Variants in CUBN observed in about 807,000 individuals in gnomAD.
CUBN encodes 460 kDa receptor.
A neutral mutation model predicts 405.3 loss-of-function variants in CUBN; 282 were observed. The ratio of observed to expected loss-of-function variants is 0.70; its 90% confidence interval spans 0.63 to 0.77. CUBN has a LOEUF of 0.77. CUBN is among the 30% of genes least tolerant of loss of function. The pLI, the probability that CUBN is intolerant of heterozygous loss-of-function variation, is 0.00. For missense variants in CUBN, 4,514 were observed against 4,475.2 expected (o/e 1.01, Z -0.25); for synonymous variants, 1,684 against 1,617.0 (o/e 1.04, Z -0.99).
At position 16,915,906 on chromosome 10, in the gene CUBN, G is replaced by A. The variant is rs761147556; in HGVS notation, c.7125C>T (p.Leu2375=). The change falls in exon 46 of 67, where the codon CTC becomes CTT. Residue 2375 remains leucine, a synonymous_variant. Coordinates refer to ENST00000377833, the MANE Select transcript of CUBN (RefSeq NM_001081.4). The stretch of plus-strand genomic sequence containing the variant: ...GGTTAAAGTCTTCAAAAGAGATGGT[G>A]AGATAGTGTCCAGAGAGCCCCTGGA... ...WHLQGLSGHY[L]TISFEDFNLQ... 1.2e-6 allele frequency: 2 copies of A among 1,614,194 alleles called. No individual in the cohort carries two copies. Among genetic ancestry groups the A allele is most frequent in the Non-Finnish European group, 8.5e-7 (1 of 1,180,020 alleles).
Position 16,851,342 on chromosome 10 carries a change from C to T in CUBN, c.9556G>A (p.Val3186Ile). Residue 3186 changes from valine to isoleucine, a missense_variant, in exon 60 of 67, where the codon GTA becomes ATA. Coordinates refer to ENST00000377833, the MANE Select transcript of CUBN (RefSeq NM_001081.4). ...NGMYDKNLNCVWIIIAPVNKV... is the reference protein window; with the variant it reads ...NGMYDKNLNCIWIIIAPVNKV... ...TTTACAGGTGCAATTATGATCCATA[C>T]ACAGTTTAAATTCTTGTCATACATT... is the stretch of plus-strand genomic sequence containing the variant. The T allele has an allele frequency of 1.9e-6, 3 of 1,614,090 alleles. No homozygotes were observed. The highest frequency in any genetic ancestry group is 2.5e-6 in the Non-Finnish European group (3 of 1,179,996).
chr10:16,834,258 A>T (rs1839099555), intron 64 of CUBN, among the ~76,000 whole-genome samples: 1 of 152,070 alleles, frequency 6.6e-6, no homozygotes. Context: ...CATATGCCCA[A>T]TGCAGCGATG....
chr10:16,928,946 C>T (rs1369860540), intron 40 of CUBN, among the ~76,000 whole-genome samples: 1 of 151,234 alleles, frequency 6.6e-6, no homozygotes, highest in Non-Finnish European at 1.5e-5. Context: ...ATATGTCTGT[C>T]GATTAGAGAC....
chr10:17,121,437 A>G (rs1258143179), intron 6 of CUBN, among the ~76,000 whole-genome samples: 1 of 151,668 alleles, frequency 6.6e-6, no homozygotes, highest in Non-Finnish European at 1.5e-5. Context: ...TCAGCAAACT[A>G]TCACAAGGAC....
At position 16,933,097 on chromosome 10, in the gene CUBN, C is replaced by A. The variant is rs747180240; in HGVS notation, c.6114G>T (p.Val2038=). The change falls in exon 40 of 67, where the codon GTG becomes GTT. Residue 2038 remains valine, a synonymous_variant. Coordinates refer to ENST00000377833, the MANE Select transcript of CUBN (RefSeq NM_001081.4). ...SHRTCAYDSL[V]IRDGDNNLAQ... ...TTATAATGTTCTCACCATCTCGTAT[C>A]ACAAGGCTATCATAGGCACACGTTC... is the stretch of plus-strand genomic sequence containing the variant. The A allele has an allele frequency of 5.0e-6, 8 of 1,613,814 alleles. No individual in the cohort carries two copies. The highest frequency in any genetic ancestry group is 6.8e-6 in the Non-Finnish European group (8 of 1,179,916).
At chr10:16,984,322 A>T in intron 29 of CUBN, 43 bp from the exon 30 acceptor site, 1 of 1,577,004 alleles carries the variant, frequency 6.3e-7, no homozygotes, top group East Asian at 2.2e-5. Flanking sequence ...AAATATTTTA[A>T]GCAATTACAG....
chr10:16,946,615 C>T (rs977319913), intron 36 of CUBN, among the ~76,000 whole-genome samples: 1 of 151,692 alleles, frequency 6.6e-6, no homozygotes, highest in Non-Finnish European at 1.5e-5. Flanking sequence ...CCTGCCTCAG[C>T]CTCCCAAGCA....
intron 23 of CUBN, 78 bp from the exon 24 acceptor site, chr10:17,046,172 T>C: frequency 2.2e-6 from 3 of 1,370,288 alleles, no homozygotes; most frequent in South Asian, 1.2e-5. Flanking sequence ...ATTTGAACTT[T>C]GGGATTGCAA....
chr10:16,928,199 A>C lies in CUBN; in HGVS notation c.6229T>G (p.Ser2077Ala). ...EYMFIRFTSD[S>A]SVTRAGFNAS... ...TTGAAGCCTGCCCTGGTTACACTGGAGTCCGAGGTGAAGCGGATGAACATG... is the reference window on the plus strand; with the variant it reads ...TTGAAGCCTGCCCTGGTTACACTGGCGTCCGAGGTGAAGCGGATGAACATG... The change falls in exon 41 of 67, where the codon TCC (serine) becomes GCC (alanine). Residue 2077 changes from serine (S) to alanine (A), a missense_variant. Around this residue, in one of 5 missense-constraint regions of CUBN, gnomAD observed 1,613 missense variants for 1,542.8 expected, o/e 1.05. Coordinates refer to ENST00000377833, the MANE Select transcript of CUBN (RefSeq NM_001081.4). The C allele has an allele frequency of 6.2e-7, 1 of 1,614,038 alleles. No individual in the cohort carries two copies. The highest frequency in any genetic ancestry group is 8.5e-7 in the Non-Finnish European group (1 of 1,179,898).
chr10:16,951,926 T>A (rs1842931675), intron 33 of CUBN, among the ~76,000 whole-genome samples: 1 of 152,186 alleles, frequency 6.6e-6, no homozygotes, highest in South Asian at 2.1e-4. Context: ...AAAAACTATT[T>A]ATCGATTATT....
chr10:17,058,782 G>C (rs973209488), intron 22 of CUBN, among the ~76,000 whole-genome samples: 4 of 152,010 alleles, frequency 2.6e-5, no homozygotes, highest in African/African-American at 9.7e-5. Context: ...TTCCTCTTGT[G>C]ATTTTCAACA....
At chr10:16,841,079 T>C (rs1839334677) in intron 60 of CUBN, 32 bp from the exon 61 acceptor site, 4 of 1,608,736 alleles carry the variant, frequency 2.5e-6, no homozygotes, top group Non-Finnish European at 3.4e-6. Flanking sequence ...TACTTCTCCA[T>C]TACTTACAAA....
intron 31 of CUBN, among the ~76,000 whole-genome samples, chr10:16,979,834 T>G (rs1446454720): frequency 1.3e-5 from 2 of 152,006 alleles, no homozygotes; most frequent in African/African-American, 4.8e-5. Flanking sequence ...AAGCCAAAAT[T>G]AACAAATGGG....
Position 16,938,949 on chromosome 10 carries a change from A to G in CUBN, c.5733+14T>C. On this transcript the variant is annotated intron_variant, in intron 38 of 66. Coordinates refer to ENST00000377833, the MANE Select transcript of CUBN (RefSeq NM_001081.4). ...ACCAATATTTATGAACATTGATTGC[A>G]TGTGGAAACTCACCCTTAATTTGTC... is the stretch of plus-strand genomic sequence containing the variant. 6.2e-7 allele frequency: 1 copy of G among 1,601,216 alleles called. No individual in the cohort carries two copies. The highest frequency in any genetic ancestry group is 8.6e-7 in the Non-Finnish European group (1 of 1,169,374).
Position 17,043,938 on chromosome 10 carries a change from A to C in CUBN, c.3718T>G (p.Cys1240Gly). Residue 1240 changes from cysteine to glycine, a missense_variant, in exon 26 of 67, where the codon TGT (cysteine) becomes GGT (glycine). Cys to Gly is a radical substitution (Grantham distance 159, BLOSUM62 -3). Around this residue, in one of 5 missense-constraint regions of CUBN, gnomAD observed 242 missense variants for 309.0 expected, o/e 0.78. Transcript: ENST00000377833. ...ATAAGAGGGGGTTTCTCATCCCCAC[A>C]AAGCTGAGTTAGCAGATGAGAGTTG... is the stretch of plus-strand genomic sequence containing the variant. ...SSNSHLLTQL[C>G]GDEKPPLIRS... 6.2e-7 allele frequency: 1 copy of C among 1,613,684 alleles called. No individual in the cohort carries two copies. Among genetic ancestry groups the C allele is most frequent in the Non-Finnish European group, 8.5e-7 (1 of 1,179,734 alleles).
intron 7 of CUBN, 59 bp downstream of exon 7, chr10:17,115,412 G>A: frequency 6.2e-7 from 1 of 1,608,178 alleles, no homozygotes; most frequent in South Asian, 1.1e-5. Flanking sequence ...GGCATAGGAG[G>A]AGGAGGAGCT....
chr10:16,955,278 C>A (rs1293340480), intron 31 of CUBN, among the ~76,000 whole-genome samples: 1 of 144,004 alleles, frequency 6.9e-6, no homozygotes, highest in Non-Finnish European at 1.5e-5. Flanking sequence ...GAGGCTGAGG[C>A]AGGAGAATTG....
Position 16,938,671 on chromosome 10 carries a change from G to A in CUBN, c.5733+292C>T, listed in dbSNP as rs61841448. On this transcript the variant is annotated intron_variant, in intron 38 of 66. Transcript: ENST00000377833. ...AACATAAAAACAAAGAGGATAGTAG[G>A]AAATAAGACAGAATAAATACTTATT... Among the ~76,000 whole-genome samples the A allele has an allele frequency of 0.057, 8,598 of 152,062 alleles. 346 individuals carry two copies. Among genetic ancestry groups the A allele is most frequent in the Non-Finnish European group, 0.087 (5,924 of 67,944 alleles).
chr10:16,891,220 G>T (rs1433693933), intron 54 of CUBN, among the ~76,000 whole-genome samples: 3 of 152,120 alleles, frequency 2.0e-5, no homozygotes, highest in African/African-American at 7.2e-5. Flanking sequence ...TAAACGGTGA[G>T]CACCAAAATT....
Sources: gnomAD v4.1 joint callset for allele counts (sites outside exome capture counted in the v4.1 genomes callset) on GRCh38, gnomAD v4.1.1 for gene constraint, gnomAD v4.1.1 regional missense constraint, MANE v1.5 for transcripts, NCBI Gene and HGNC (gene_info 2026-07-23, HGNC 2026-07-21) for gene names.